The following METAP2 variants were observed in gnomAD, a reference collection of about 807,000 sequenced individuals.
METAP2 encodes the protein methionyl aminopeptidase 2.
A neutral mutation model predicts 59.4 loss-of-function variants in METAP2; 25 were observed. The ratio of observed to expected loss-of-function variants is 0.42; its 90% confidence interval spans 0.31 to 0.59. METAP2 has a LOEUF of 0.59. METAP2 is among the 20% of genes least tolerant of loss of function. The pLI is 0.16. For synonymous variants in METAP2, 214 were observed against 194.1 expected, an observed-to-expected ratio of 1.10 and a Z score of -0.85; for missense variants, 366 against 581.2, an observed-to-expected ratio of 0.63 and a Z score of 3.81.
At chr12:95,501,993 T>C (rs886312222) in intron 7 of METAP2, among the ~76,000 whole-genome samples, 4 of 136,214 alleles carry the variant, frequency 2.9e-5, no homozygotes, top group African/African-American at 8.0e-5. Flanking sequence ...TTTTTTAATA[T>C]AATTTTTTTT....
intron 4 of METAP2, among the ~76,000 whole-genome samples, chr12:95,489,521 T>A (rs1187401921): frequency 3.3e-5 from 5 of 152,226 alleles, no homozygotes; most frequent in Non-Finnish European, 7.3e-5. Context: ...TTTTGACTAT[T>A]TGCAAATAGA....
At chr12:95,481,897 AAACTATTGTT>A (rs1248307386) in intron 2 of METAP2, among the ~76,000 whole-genome samples, 2 of 152,204 alleles carry the variant, frequency 1.3e-5, no homozygotes, top group Non-Finnish European at 2.9e-5. Flanking sequence ...AGTCTGGAAA[AAACTATTGTT>A]TCTCCAGAAC....
chr12:95,504,211 T>C (rs1377595687), intron 8 of METAP2, 50 bp downstream of exon 8: 3 of 1,287,156 alleles, frequency 2.3e-6, no homozygotes, highest in South Asian at 2.5e-5. Flanking sequence ...TTACAAACTA[T>C]TGTCGAGTGT....
chr12:95,500,850 G>C (rs1378256968), intron 7 of METAP2, among the ~76,000 whole-genome samples: 2 of 152,068 alleles, frequency 1.3e-5, no homozygotes, highest in East Asian at 3.9e-4. Context: ...TAGTGTCTTT[G>C]CCTCGCTTTG....
At chr12:95,487,591 ATTT>A (rs5800209) in intron 4 of METAP2, among the ~76,000 whole-genome samples, 3 of 141,372 alleles carry the variant, frequency 2.1e-5, no homozygotes, top group African/African-American at 2.6e-5. Flanking sequence ...TAATCTCTTA[ATTT>A]TTTTTTTTTT....
At chr12:95,510,286 T>C (rs2076393052) in intron 8 of METAP2, among the ~76,000 whole-genome samples, 1 of 152,236 alleles carries the variant, frequency 6.6e-6, no homozygotes, top group Non-Finnish European at 1.5e-5. Flanking sequence ...CTCATTTTCT[T>C]AGTCCGTTTT....
At chr12:95,490,112 T>G (rs887014538) in intron 4 of METAP2, among the ~76,000 whole-genome samples, 1 of 151,500 alleles carries the variant, frequency 6.6e-6, no homozygotes, top group African/African-American at 2.4e-5. Context: ...TCTTTTTTTT[T>G]TTGTTTTGAG....
rs781422875 is a variant in METAP2, at chr12:95,494,197, G to C, written c.570G>C (p.Gly190=). 1.2e-6 allele frequency: 2 copies of C among 1,613,150 alleles called. No individual in the cohort carries two copies. The highest frequency in any genetic ancestry group is 2.7e-5 in the African/African-American group (2 of 74,918). The change falls in exon 5 of 11, where the codon GGG becomes GGC. Residue 190 remains glycine, a synonymous_variant. Transcript: ENST00000323666. The part of the protein sequence containing the change: ...RKYVMSWIKP[G]MTMIEICEKL... ...ACGTAATGAGCTGGATCAAGCCTGG[G>C]ATGACAATGATAGAAATCTGGTAAA...
At chr12:95,509,702 G>T (rs1389164712) in intron 8 of METAP2, among the ~76,000 whole-genome samples, 1 of 152,084 alleles carries the variant, frequency 6.6e-6, no homozygotes, top group Admixed American at 6.5e-5. Context: ...AGAGTGAATT[G>T]ATTTGTTTTT....
chr12:95,493,030 TA>T (rs1400895339), intron 4 of METAP2, among the ~76,000 whole-genome samples: 1 of 152,248 alleles, frequency 6.6e-6, no homozygotes, highest in Non-Finnish European at 1.5e-5. Context: ...TACACTTGTG[TA>T]ATTTATACTC....
chr12:95,482,471 ATT>A (rs1251847181), intron 2 of METAP2, among the ~76,000 whole-genome samples: 3 of 152,152 alleles, frequency 2.0e-5, no homozygotes, highest in Non-Finnish European at 4.4e-5. Context: ...ATTTCATAAG[ATT>A]GAACATAAGA....
chr12:95,487,945 A>G (rs1053524884), intron 4 of METAP2, among the ~76,000 whole-genome samples: 1 of 152,178 alleles, frequency 6.6e-6, no homozygotes, highest in African/African-American at 2.4e-5. Flanking sequence ...TTTTGCCACT[A>G]TAAACCATTC....
intron 1 of METAP2, 101 bp from the exon 2 acceptor site, chr12:95,475,970 T>C (rs541143586): frequency 1.8e-5 from 12 of 684,332 alleles, no homozygotes; most frequent in Admixed American, 3.3e-5. Flanking sequence ...TGTTTTTGTT[T>C]CCTGAGGAAA....
rs1048741745 is a variant in METAP2 at position 95,515,473 on chromosome 12, T to C, written c.*1569T>C. The C allele has an allele frequency of 6.6e-6, 1 of 152,212 alleles. No individual in the cohort carries two copies. The highest frequency in any genetic ancestry group is 1.5e-5 in the Non-Finnish European group (1 of 68,042). 9.4% of individuals were successfully genotyped at this position (152,212 alleles called of 1,614,324 possible). ...CCTTTGGGGTTGAGTCCGTATCTTT[T>C]TGATGTGGAAGTATAAAGCAAGTAT... is the stretch of plus-strand genomic sequence containing the variant. On this transcript the variant is annotated 3_prime_UTR_variant, in exon 11 of 11. Coordinates refer to ENST00000323666, the MANE Select transcript of METAP2 (RefSeq NM_006838.4).
chr12:95,513,719 A>C lies in METAP2; in HGVS notation c.1252A>C (p.Arg418=), dbSNP rs1193450854. 6.2e-7 allele frequency: 1 copy of C among 1,614,270 alleles called. No homozygotes were observed. Among genetic ancestry groups the C allele is most frequent in the East Asian group, 2.2e-5 (1 of 44,892 alleles). The change falls in exon 11 of 11, where the codon AGA becomes CGA. Residue 418 remains arginine, a synonymous_variant. Coordinates refer to ENST00000323666, the MANE Select transcript of METAP2 (RefSeq NM_006838.4). ...ENFGTLAFCR[R]WLDRLGESKY... is the part of the protein sequence containing the mutation. ...CTTTGGAACCCTTGCCTTCTGCCGC[A>C]GATGGCTGGATCGCTTGGGAGAAAG...
At chr12:95,479,017 G>A (rs984355029) in intron 2 of METAP2, among the ~76,000 whole-genome samples, 3 of 152,126 alleles carry the variant, frequency 2.0e-5, no homozygotes, top group African/African-American at 4.8e-5. Context: ...AGTATGCTAC[G>A]AAAACACCTG....
At chr12:95,509,693 G>A (rs1053162818) in intron 8 of METAP2, among the ~76,000 whole-genome samples, 1 of 152,096 alleles carries the variant, frequency 6.6e-6, no homozygotes, top group African/African-American at 2.4e-5. Flanking sequence ...TTGTTGTGAA[G>A]AGTGAATTGA....
At chr12:95,481,213 G>T (rs1204738683) in intron 2 of METAP2, among the ~76,000 whole-genome samples, 4 of 152,152 alleles carry the variant, frequency 2.6e-5, no homozygotes, top group African/African-American at 4.8e-5. Context: ...TGCGATTCGA[G>T]ACCAGTCTGG....
intron 8 of METAP2, among the ~76,000 whole-genome samples, chr12:95,509,448 C>T (rs2076385254): frequency 6.6e-6 from 1 of 152,096 alleles, no homozygotes; most frequent in South Asian, 2.1e-4. Context: ...AATAATTATC[C>T]TTGGCTCCAA....
Sources: allele counts gnomAD v4.1 joint callset (sites outside exome capture counted in the v4.1 genomes callset), GRCh38; gene constraint gnomAD v4.1.1; transcripts MANE v1.5; gene names NCBI Gene and HGNC (gene_info 2026-07-23, HGNC 2026-07-21).